NUMA1: variants seen among roughly 807,000 people sequenced by gnomAD.
NUMA1 encodes the protein nuclear mitotic apparatus protein 1.
NUMA1 carries 62 observed loss-of-function variants against 237.1 expected under a neutral mutation model. That is an observed-to-expected ratio of 0.26 (90% CI 0.21 to 0.32). The LOEUF is 0.32. NUMA1 is among the 10% of genes least tolerant of loss of function. The pLI is 1.00. For synonymous variants in NUMA1, 1,028 were observed against 1,066.1 expected (o/e 0.96, Z 0.70); for missense variants, 2,533 against 2,666.5 (o/e 0.95, Z 1.10).
chr11:72,024,443 G>C, intron 4 of NUMA1, 90 bp from the exon 5 acceptor site: 1 of 1,140,382 alleles, frequency 8.8e-7, no homozygotes, highest in Non-Finnish European at 1.3e-6. Context: ...ATTCCTTCCA[G>C]TCTTGATCTC....
rs953986841 is a variant in NUMA1 at position 72,006,029 on chromosome 11, C to T, written c.5692+6G>A. 7.5e-6 allele frequency: 12 copies of T among 1,606,470 alleles called. No homozygotes were observed. The East Asian group carries it at 2.7e-4, about 36-fold the overall frequency. On this transcript the variant is annotated splice_donor_region_variant and intron_variant, in intron 22 of 26. Coordinates refer to ENST00000393695, the MANE Select transcript of NUMA1 (RefSeq NM_006185.4). ...GGGGTATAGTAAGTCCCTGTAGTCC[C>T]CTCACCTGGAGGGGCCCCACTGGAC...
intron 17 of NUMA1, 87 bp downstream of exon 17, chr11:72,010,699 G>T: frequency 7.4e-7 from 1 of 1,344,780 alleles, no homozygotes; most frequent in Non-Finnish European, 1.0e-6. Context: ...CCCCTCTTCT[G>T]CCCCGACACC....
chr11:72,055,700 C>CCAGGT (rs1358979394), intron 2 of NUMA1, among the ~76,000 whole-genome samples: 2 of 151,978 alleles, frequency 1.3e-5, no homozygotes, highest in African/African-American at 4.8e-5. Context: ...ACCAGGCAAG[C>CCAGGT]CAGGTCAGGA....
chr11:72,077,675 G>A (rs762206408), intron 1 of NUMA1, among the ~76,000 whole-genome samples: 33 of 151,864 alleles, frequency 2.2e-4, no homozygotes, highest in Non-Finnish European at 4.3e-4. Context: ...TTAGCCAGGC[G>A]TGGTTGCGGG....
intron 2 of NUMA1, among the ~76,000 whole-genome samples, chr11:72,063,922 C>CA (rs35238614): frequency 0.064 from 3,322 of 51,952 alleles, 118 homozygotes; most frequent in East Asian, 0.26. Context: ...GATCTTGTGT[C>CA]AAAAAAAAAA....
rs745625793 is a variant in NUMA1, at chr11:72,006,074, G to A, written c.5653C>T (p.Arg1885Cys). The A allele has an allele frequency of 7.5e-5, 121 of 1,613,802 alleles. No individual in the cohort carries two copies. Among genetic ancestry groups the A allele is most frequent in the Middle Eastern group, 6.6e-4 (4 of 6,082 alleles). Residue 1885 changes from arginine to cysteine, a missense_variant, in exon 22 of 27, where the codon CGT (arginine) becomes TGT (cysteine). Coordinates refer to ENST00000393695, the MANE Select transcript of NUMA1 (RefSeq NM_006185.4). ...CTGGACACCCCGGCCTGGGAACGAC[G>A]AGCAGAACTGCGAGTGGTGGGGCGG... ...GYRPTTRSSA[R>C]RSQAGVSSGA... is the part of the protein sequence containing the mutation.
intron 1 of NUMA1, among the ~76,000 whole-genome samples, chr11:72,071,370 T>C (rs1329910651): frequency 6.6e-6 from 1 of 152,190 alleles, no homozygotes; most frequent in African/African-American, 2.4e-5. Flanking sequence ...ATCTATATAG[T>C]TCTTCTACCA....
At chr11:72,011,200 G>A (rs1452440898) in intron 16 of NUMA1, among the ~76,000 whole-genome samples, 1 of 152,186 alleles carries the variant, frequency 6.6e-6, no homozygotes, top group Non-Finnish European at 1.5e-5. Context: ...GCCACACTCT[G>A]CAGCCGCAAC....
rs1469517074 is a variant in NUMA1, at chr11:72,014,486, A to T, written c.3017T>A (p.Val1006Glu). The change falls in exon 15 of 27, where the codon GTG (valine) becomes GAG (glutamate). Residue 1006 changes from valine (V) to glutamate (E), a missense_variant. Around this residue, in one of 3 missense-constraint regions of NUMA1, gnomAD observed 1,414 missense variants for 1,508.1 expected, o/e 0.94. Coordinates refer to ENST00000393695, the MANE Select transcript of NUMA1 (RefSeq NM_006185.4). The surrounding 1 kb of genome is among the most constrained non-coding windows in gnomAD (Gnocchi z 4.6). Reference sequence around the variant, plus strand: ...GCCCCGCTCCTGGGTCAGCCGCGCCACCTCCCTTTCCTGCTGCCCACGCTC... The same window carrying T: ...GCCCCGCTCCTGGGTCAGCCGCGCCTCCTCCCTTTCCTGCTGCCCACGCTC... ...QEERGQQEREVARLTQERGRA... is the reference protein window; with the variant it reads ...QEERGQQEREEARLTQERGRA... The T allele has an allele frequency of 6.2e-7, 1 of 1,601,772 alleles. No individual in the cohort carries two copies. Among genetic ancestry groups the T allele is most frequent in the Non-Finnish European group, 8.5e-7 (1 of 1,179,856 alleles).
At chr11:72,027,983 AAT>A (rs1208025857) in intron 4 of NUMA1, among the ~76,000 whole-genome samples, 6 of 152,206 alleles carry the variant, frequency 3.9e-5, no homozygotes, top group South Asian at 2.1e-4. Flanking sequence ...CCAAAATAAG[AAT>A]AGTGACTTCT....
intron 3 of NUMA1, among the ~76,000 whole-genome samples, chr11:72,029,817 C>T (rs1200739375): frequency 6.6e-6 from 1 of 151,838 alleles, no homozygotes; most frequent in African/African-American, 2.4e-5. Context: ...ATATGCTATA[C>T]ACTCCCACAA....
intron 2 of NUMA1, among the ~76,000 whole-genome samples, chr11:72,062,249 T>C (rs987665844): frequency 1.3e-5 from 2 of 152,134 alleles, no homozygotes; most frequent in Non-Finnish European, 2.9e-5. Context: ...AAAAGGTCAT[T>C]TTAAGTAATA....
intron 2 of NUMA1, chr11:72,066,298 C>T (rs1257435354): frequency 2.7e-5 from 3 of 112,938 alleles, no homozygotes; most frequent in Admixed American, 9.4e-5. Context: ...AAACTCTGCT[C>T]AAGAAAAAAA....
chr11:72,038,392 C>T (rs1941287679), intron 2 of NUMA1, among the ~76,000 whole-genome samples: 1 of 152,204 alleles, frequency 6.6e-6, no homozygotes, highest in African/African-American at 2.4e-5. Context: ...ACGAGGAACC[C>T]AATATTCACC....
chr11:72,072,886 C>A (rs561029990), intron 1 of NUMA1, among the ~76,000 whole-genome samples: 46 of 151,652 alleles, frequency 3.0e-4, no homozygotes, highest in African/African-American at 1.0e-3. Context: ...ACTAAAGATA[C>A]AAAAAATTAG....
At chr11:72,057,953 C>G (rs1942751369) in intron 2 of NUMA1, among the ~76,000 whole-genome samples, 1 of 151,264 alleles carries the variant, frequency 6.6e-6, no homozygotes, top group Admixed American at 6.6e-5. Context: ...CGCCTGTAAT[C>G]CCAGCTACTA....
At chr11:72,016,355 G>T (rs757065472) in intron 14 of NUMA1, 53 bp downstream of exon 14, 1 of 1,604,286 alleles carries the variant, frequency 6.2e-7, no homozygotes, top group Non-Finnish European at 8.5e-7. Flanking sequence ...CAAATGTACT[G>T]AATGTGAGTC....
At chr11:72,026,088 CT>C (rs1939545326) in intron 4 of NUMA1, among the ~76,000 whole-genome samples, 1 of 152,180 alleles carries the variant, frequency 6.6e-6, no homozygotes, top group African/African-American at 2.4e-5. Flanking sequence ...CCACAAAACC[CT>C]TTTCCCCCAC....
At chr11:72,073,303 T>C (rs2136306575) in intron 1 of NUMA1, among the ~76,000 whole-genome samples, 1 of 141,864 alleles carries the variant, frequency 7.0e-6, no homozygotes, top group East Asian at 2.0e-4. Context: ...CGAGACCCTG[T>C]CTCAAAAAAA....
Sources: gnomAD v4.1 joint callset for allele counts (sites outside exome capture counted in the v4.1 genomes callset) on GRCh38, gnomAD v4.1.1 for gene constraint, gnomAD v4.1.1 regional missense constraint, Gnocchi (gnomAD v3.1) non-coding constraint, MANE v1.5 for transcripts, NCBI Gene and HGNC (gene_info 2026-07-23, HGNC 2026-07-21) for gene names.